The following EPDR1 variants were observed in gnomAD, a reference collection of about 807,000 sequenced individuals.
EPDR1 encodes ependymin related 1, also known as mammalian ependymin-related protein 1.
A neutral mutation model predicts 23.7 loss-of-function variants in EPDR1; 27 were observed. The ratio of observed to expected loss-of-function variants is 1.14; its 90% confidence interval spans 0.84 to 1.57. The LOEUF (loss-of-function observed/expected upper bound fraction) is 1.57, where lower values mean the gene tolerates loss of function less well. EPDR1 is among the 40% of genes most tolerant of loss of function. The pLI is 0.00. For synonymous variants in EPDR1, 137 were observed against 118.2 expected (o/e 1.16, Z -1.03); for missense variants, 349 against 290.4 (o/e 1.20, Z -1.47).
intron 1 of EPDR1, among the ~76,000 whole-genome samples, chr7:37,942,539 G>A (rs1263891464): frequency 6.6e-6 from 1 of 152,086 alleles, no homozygotes; most frequent in African/African-American, 2.4e-5. Context: ...TAACATTACT[G>A]AACTGTACAC....
chr7:37,921,413 T>G (rs770251048), intron 1 of EPDR1: 387 of 1,390,646 alleles, frequency 2.8e-4, no homozygotes, highest in Non-Finnish European at 3.3e-4. Context: ...GGCGGCCTGC[T>G]GGCGGGGGAC....
intron 1 of EPDR1, among the ~76,000 whole-genome samples, chr7:37,939,231 G>A (rs890035010): frequency 7.9e-5 from 12 of 151,976 alleles, no homozygotes; most frequent in Admixed American, 6.6e-4. Flanking sequence ...TGCCTGCCTC[G>A]GCCTCCCAAA....
intron 1 of EPDR1, among the ~76,000 whole-genome samples, chr7:37,929,223 A>G (rs1785881269): frequency 6.6e-6 from 1 of 152,234 alleles, no homozygotes; most frequent in Non-Finnish European, 1.5e-5. Flanking sequence ...CAAGGCACTT[A>G]TGACTATCTG....
Position 37,920,874 on chromosome 7 carries a change from G to T in EPDR1, c.-66G>T. 1 of 1,611,496 alleles carries T rather than the reference G, an allele frequency of 6.2e-7. No individual in the cohort carries two copies. The highest frequency in any genetic ancestry group is 1.1e-5 in the South Asian group (1 of 90,884). On this transcript the variant is annotated 5_prime_UTR_variant, in exon 1 of 3. Transcript: ENST00000199448. ...GGAAAGAGCCGGCGGGAGCCACTCT[G>T]ATCCCGGACGCCTCAGCGCCCCCTT...
chr7:37,945,309 G>T (rs1481909062), intron 1 of EPDR1, among the ~76,000 whole-genome samples: 2 of 152,114 alleles, frequency 1.3e-5, no homozygotes, highest in Admixed American at 6.5e-5. Flanking sequence ...CTCATAAAAT[G>T]CACACTTATA....
At position 37,950,532 on chromosome 7, in the gene EPDR1, G is replaced by A; in HGVS notation, c.*136G>A. On this transcript the variant is annotated 3_prime_UTR_variant, in exon 3 of 3. Coordinates refer to ENST00000199448, the MANE Select transcript of EPDR1 (RefSeq NM_017549.5). ...TTAGGAAGATGCACATTGATGTGGG[G>A]TTTTGATGTGTCTGATTTTGACTAC... 1 of 847,628 alleles carries A rather than the reference G, an allele frequency of 1.2e-6. No individual in the cohort carries two copies. Among genetic ancestry groups the A allele is most frequent in the Non-Finnish European group, 1.8e-6 (1 of 563,538 alleles). 52.5% of individuals were successfully genotyped at this position (847,628 alleles called of 1,614,324 possible).
intron 1 of EPDR1, among the ~76,000 whole-genome samples, chr7:37,944,514 A>G (rs1440477428): frequency 1.3e-5 from 2 of 152,220 alleles, no homozygotes; most frequent in Admixed American, 1.3e-4. Context: ...GAGACTGGGT[A>G]ATTTATAAAG....
chr7:37,921,881 T>A (rs972512210), intron 1 of EPDR1, among the ~76,000 whole-genome samples: 1 of 152,222 alleles, frequency 6.6e-6, no homozygotes, highest in Non-Finnish European at 1.5e-5. Context: ...TTATTTGCCA[T>A]TTTATTAGCT....
chr7:37,946,707 T>G (rs1379288061), intron 1 of EPDR1, among the ~76,000 whole-genome samples: 1 of 152,116 alleles, frequency 6.6e-6, no homozygotes, highest in Non-Finnish European at 1.5e-5. Context: ...GGACAAGATG[T>G]GGGAGTGAAA....
At chr7:37,931,285 G>A (rs542250417) in intron 1 of EPDR1, among the ~76,000 whole-genome samples, 6 of 152,084 alleles carry the variant, frequency 3.9e-5, no homozygotes, top group Admixed American at 3.3e-4. Flanking sequence ...AGGCCGAGGC[G>A]GGTGGATCAC....
At chr7:37,924,029 G>A (rs886450593) in intron 1 of EPDR1, among the ~76,000 whole-genome samples, 1 of 152,146 alleles carries the variant, frequency 6.6e-6, no homozygotes, top group African/African-American at 2.4e-5. Context: ...AGCACACACA[G>A]ACCCTTCCTT....
At chr7:37,922,692 T>C (rs1785733709) in intron 1 of EPDR1, among the ~76,000 whole-genome samples, 2 of 151,636 alleles carry the variant, frequency 1.3e-5, no homozygotes, top group African/African-American at 2.4e-5. Context: ...GCCTATGGTA[T>C]ACCAGGTTCA....
chr7:37,935,700 A>C (rs190354780), intron 1 of EPDR1, among the ~76,000 whole-genome samples: 7 of 151,938 alleles, frequency 4.6e-5, no homozygotes, highest in Admixed American at 3.9e-4. Context: ...TAGTAGGGTA[A>C]ACTTTTAGTA....
chr7:37,950,806 G>C lies in EPDR1; in HGVS notation c.*410G>C, dbSNP rs1219356679. The C allele has an allele frequency of 6.4e-6, 1 of 157,286 alleles. No homozygotes were observed. The highest frequency in any genetic ancestry group is 1.4e-5 in the Non-Finnish European group (1 of 71,572). 9.7% of individuals were successfully genotyped at this position (157,286 alleles called of 1,614,324 possible). ...GATAATAAAAAGCAGAGTGATTTTGGTCAATTTTATTATTAATTCTTAAAT... is the reference window on the plus strand; with the variant it reads ...GATAATAAAAAGCAGAGTGATTTTGCTCAATTTTATTATTAATTCTTAAAT... On this transcript the variant is annotated 3_prime_UTR_variant, in exon 3 of 3. Coordinates refer to ENST00000199448, the MANE Select transcript of EPDR1 (RefSeq NM_017549.5).
rs1269899955 is a variant in EPDR1 at position 37,934,295 on chromosome 7, T to C, written c.269+13087T>C. On this transcript the variant is annotated intron_variant, in intron 1 of 2. Transcript: ENST00000199448. ...CCGACCTACTCTGCCATTCTTAGCA[T>C]GATGGCTCGTAGTTCCAAGATTGCA... Among the ~76,000 whole-genome samples the C allele has an allele frequency of 2.0e-5, 3 of 152,334 alleles. No homozygotes were observed. In the East Asian group the frequency reaches 5.8e-4, roughly 29 times the overall value.
chr7:37,943,942 G>A (rs977327100), intron 1 of EPDR1, among the ~76,000 whole-genome samples: 3 of 152,206 alleles, frequency 2.0e-5, no homozygotes, highest in Non-Finnish European at 4.4e-5. Flanking sequence ...GACTGACCAG[G>A]CATCTGTGGC....
intron 1 of EPDR1, among the ~76,000 whole-genome samples, chr7:37,938,654 C>T (rs1786107612): frequency 6.6e-6 from 1 of 152,152 alleles, no homozygotes; most frequent in Non-Finnish European, 1.5e-5. Flanking sequence ...ACTTGGTAGC[C>T]ATTGCTTTGA....
Position 37,921,501 on chromosome 7 carries a change from G to C in EPDR1, c.269+293G>C, listed in dbSNP as rs537884754. ...GGGATCAAGCTGCAGAGTGCCCCAT[G>C]CCCAGGTTCGCCCCTGTTCTCACGC... is the stretch of plus-strand genomic sequence containing the variant. On this transcript the variant is annotated intron_variant, in intron 1 of 2. Transcript: ENST00000199448. 5.2e-6 allele frequency: 7 copies of C among 1,333,844 alleles called. No homozygotes were observed. The East Asian group carries it at 1.2e-4, about 23-fold the overall frequency. 82.6% of individuals were successfully genotyped at this position (1,333,844 alleles called of 1,614,324 possible).
intron 1 of EPDR1, among the ~76,000 whole-genome samples, chr7:37,924,875 A>G (rs1785785273): frequency 6.6e-6 from 1 of 152,218 alleles, no homozygotes; most frequent in Admixed American, 6.5e-5. Context: ...TTGTCTCTTC[A>G]TATTTATGAG....
Sources: gnomAD v4.1 joint callset for allele counts (sites outside exome capture counted in the v4.1 genomes callset) on GRCh38, gnomAD v4.1.1 for gene constraint, MANE v1.5 for transcripts, NCBI Gene and HGNC (gene_info 2026-07-23, HGNC 2026-07-21) for gene names.